Variants in AQR observed in about 807,000 individuals in gnomAD.
AQR encodes the protein RNA helicase aquarius.
AQR carries 61 observed loss-of-function variants against 180.5 expected under a neutral mutation model. The observed-to-expected ratio is 0.34, with a 90% CI of 0.28 to 0.42. The LOEUF is 0.42. Ranked by LOEUF, AQR falls within the 10% of genes least tolerant of loss-of-function variation. The pLI, the probability that AQR is intolerant of heterozygous loss-of-function variation, is 1.00. For synonymous variants in AQR, 551 were observed against 588.8 expected (o/e 0.94, Z 0.93); for missense variants, 1,281 against 1,798.3 (o/e 0.71, Z 5.20).
Position 34,910,440 on chromosome 15 carries a change from A to AT in AQR, c.1485-128dup, listed in dbSNP as rs1252642787. On this transcript the variant is annotated intron_variant, in intron 16 of 34. Coordinates refer to ENST00000156471, the MANE Select transcript of AQR (RefSeq NM_014691.3). ...TTAAGTCCTAATATTAGTAACTCTT[A>AT]TTTCTTAACTTAAAAAAAAGAAAAC... is the stretch of plus-strand genomic sequence containing the variant. 3 of 994,904 alleles carry AT rather than the reference A, an allele frequency of 3.0e-6. No individual in the cohort carries two copies. The East Asian group carries it at 7.9e-5, about 26-fold the overall frequency. 61.6% of individuals were successfully genotyped at this position (994,904 alleles called of 1,614,324 possible).
intron 18 of AQR, among the ~76,000 whole-genome samples, chr15:34,906,059 G>C (rs1184314141): frequency 6.6e-6 from 1 of 151,854 alleles, no homozygotes; most frequent in Non-Finnish European, 1.5e-5. Context: ...AAAAGATCCT[G>C]TCCTTTCCAA....
intron 9 of AQR, among the ~76,000 whole-genome samples, chr15:34,937,388 T>G (rs568691104): frequency 9.8e-5 from 15 of 152,342 alleles, no homozygotes; most frequent in Non-Finnish European, 2.2e-4. Flanking sequence ...ACAACTGATT[T>G]ACTGCATTGG....
intron 10 of AQR, among the ~76,000 whole-genome samples, chr15:34,934,313 ATGTAT>A (rs1249540433): frequency 6.7e-6 from 1 of 148,386 alleles, no homozygotes; most frequent in East Asian, 1.9e-4. Context: ...GGCACCCAAT[ATGTAT>A]TGTATTATTA....
rs1217396909 is a variant in AQR, at chr15:34,893,812, TCA to T, written c.2461-41_2461-40del. 2.0e-6 allele frequency: 3 copies of T among 1,534,028 alleles called. No individual in the cohort carries two copies. The South Asian group carries it at 3.4e-5, about 17-fold the overall frequency. ...GAACACATAGCAAACTACTAAGTCATCACAGTTATCACACATTGTTAGAAAAC... is the reference window on the plus strand; with the variant it reads ...GAACACATAGCAAACTACTAAGTCATCAGTTATCACACATTGTTAGAAAAC... On this transcript the variant is annotated intron_variant, in intron 22 of 34. Transcript: ENST00000156471.
chr15:34,929,662 T>C (rs572556743), intron 12 of AQR, among the ~76,000 whole-genome samples: 7 of 152,324 alleles, frequency 4.6e-5, no homozygotes, highest in African/African-American at 4.8e-5. Flanking sequence ...TCTTAAGAGA[T>C]AGCTAACTTG....
At chr15:34,950,842 C>A (rs1014860373) in intron 4 of AQR, among the ~76,000 whole-genome samples, 1 of 152,110 alleles carries the variant, frequency 6.6e-6, no homozygotes, top group Non-Finnish European at 1.5e-5. Context: ...CATATGCTTC[C>A]AGAGTATCTT....
intron 15 of AQR, among the ~76,000 whole-genome samples, chr15:34,915,615 G>C (rs1410877110): frequency 6.6e-6 from 1 of 151,976 alleles, no homozygotes; most frequent in East Asian, 1.9e-4. Flanking sequence ...TTTTCACACA[G>C]ATGTTAAAAC....
chr15:34,885,827 T>C (rs1893051654), intron 25 of AQR, among the ~76,000 whole-genome samples: 1 of 152,182 alleles, frequency 6.6e-6, no homozygotes, highest in African/African-American at 2.4e-5. Flanking sequence ...ACAATGAGCT[T>C]ACAATATTAT....
intron 27 of AQR, among the ~76,000 whole-genome samples, chr15:34,877,613 G>T (rs1306434101): frequency 6.6e-6 from 1 of 152,136 alleles, no homozygotes; most frequent in African/African-American, 2.4e-5. Flanking sequence ...AACTCAAAAG[G>T]AGATAGCTTA....
Position 34,857,043 on chromosome 15 carries a change from C to A in AQR, c.4207G>T (p.Glu1403Ter). Residue 1403 changes from glutamate to a stop codon, truncating the protein, a stop_gained, in exon 35 of 35, where the codon GAA (glutamate) becomes TAA (stop). Coordinates refer to ENST00000156471, the MANE Select transcript of AQR (RefSeq NM_014691.3). LOFTEE classifies it low-confidence loss of function (END_TRUNC). ...EGEEVQNQETELETEEEAMTV... is the reference protein window; with the variant it reads ...EGEEVQNQET Reference sequence around the variant, plus strand: ...ATGGCCTCTTCTTCTGTTTCCAATTCTGTTTCTTGATTTTGAACTTCCTCA... The same window carrying A: ...ATGGCCTCTTCTTCTGTTTCCAATTATGTTTCTTGATTTTGAACTTCCTCA... 6.2e-7 allele frequency: 1 copy of A among 1,612,812 alleles called. No individual in the cohort carries two copies. Among genetic ancestry groups the A allele is most frequent in the Non-Finnish European group, 8.5e-7 (1 of 1,179,446 alleles).
Position 34,906,706 on chromosome 15 carries a change from C to T in AQR, c.1670G>A (p.Arg557His), listed in dbSNP as rs1019789864. 1.9e-6 allele frequency: 3 copies of T among 1,612,380 alleles called. No individual in the cohort carries two copies. Among genetic ancestry groups the T allele is most frequent in the African/African-American group, 1.3e-5 (1 of 74,818 alleles). Residue 557 changes from arginine to histidine, a missense_variant, in exon 18 of 35, where the codon CGT (arginine) becomes CAT (histidine). Arg to His is a conservative substitution (Grantham distance 29). Around this residue, in one of 9 missense-constraint regions of AQR, gnomAD observed 200 missense variants for 293.4 expected, o/e 0.68. Transcript: ENST00000156471. The part of the protein sequence containing the change: ...DHIKDEWEGL[R>H]KHDVCFLITV... Reference sequence around the variant, plus strand: ...AATTAAAAAGCATACATCATGCTTACGAAGACCTGGTAAGATATAAAGACA... The same window carrying T: ...AATTAAAAAGCATACATCATGCTTATGAAGACCTGGTAAGATATAAAGACA...
chr15:34,923,189 A>G lies in AQR; in HGVS notation c.1119-2755T>C, dbSNP rs566346107. On this transcript the variant is annotated intron_variant, in intron 13 of 34. Coordinates refer to ENST00000156471, the MANE Select transcript of AQR (RefSeq NM_014691.3). Reference sequence around the variant, plus strand: ...TAATCTCTTACTGTGCCTACTTCATAGCTTTATCATAGGTTTTTACATTAC... The same window carrying G: ...TAATCTCTTACTGTGCCTACTTCATGGCTTTATCATAGGTTTTTACATTAC... 6.6e-4 allele frequency among the ~76,000 whole-genome samples: 101 copies of G among 152,258 alleles called. 1 individual carries two copies. The highest frequency in any genetic ancestry group is 2.4e-3 in the African/African-American group (99 of 41,546).
At chr15:34,914,138 T>C (rs1893542906) in intron 16 of AQR, among the ~76,000 whole-genome samples, 1 of 152,336 alleles carries the variant, frequency 6.6e-6, no homozygotes, top group South Asian at 2.1e-4. Flanking sequence ...CGTGTATGTA[T>C]ACATGGTGTC....
Position 34,853,424 on chromosome 15 carries a change from A to G in AQR, c.*3368T>C, listed in dbSNP as rs955404205. On this transcript the variant is annotated 3_prime_UTR_variant, in exon 35 of 35. Transcript: ENST00000156471. ...AGAACTGATAGAAGTTATCAGCTCC[A>G]TATTTCAGAAAGACCTAATGTCTTC... is the stretch of plus-strand genomic sequence containing the variant. The G allele has an allele frequency of 3.9e-5, 6 of 152,300 alleles. No homozygotes were observed. In the East Asian group the frequency reaches 9.7e-4, roughly 25 times the overall value. 9.4% of individuals were successfully genotyped at this position (152,300 alleles called of 1,614,324 possible). A position where few individuals can be genotyped will look rare whatever the true frequency, so the allele number is the denominator to read the frequency against.
intron 15 of AQR, 59 bp from the exon 16 acceptor site, chr15:34,915,238 ACTC>A: frequency 7.0e-7 from 1 of 1,436,424 alleles, no homozygotes; most frequent in Admixed American, 2.4e-5. Context: ...ACGGAGTCTC[ACTC>A]TGTCACCTGC....
At chr15:34,916,261 A>G (rs533802545) in intron 15 of AQR, among the ~76,000 whole-genome samples, 1 of 152,282 alleles carries the variant, frequency 6.6e-6, no homozygotes, top group African/African-American at 2.4e-5. Flanking sequence ...TTCTGGCTAA[A>G]CTTTAAGGAC....
chr15:34,956,390 C>G (rs1410584628), intron 3 of AQR, among the ~76,000 whole-genome samples: 1 of 152,004 alleles, frequency 6.6e-6, no homozygotes, highest in Non-Finnish European at 1.5e-5. Flanking sequence ...GTGGCTCACA[C>G]CTGTAATCCC....
intron 20 of AQR, among the ~76,000 whole-genome samples, chr15:34,900,090 G>T (rs558628390): frequency 6.6e-6 from 1 of 151,744 alleles, no homozygotes; most frequent in Non-Finnish European, 1.5e-5. Flanking sequence ...ATGGGGTCTC[G>T]CTATGTTGCC....
At chr15:34,896,991 T>G in intron 21 of AQR, 25 bp from the exon 22 acceptor site, 1 of 1,563,772 alleles carries the variant, frequency 6.4e-7, no homozygotes. Flanking sequence ...AAATAAAAAG[T>G]TGGTACAGAT....
Sources: allele counts gnomAD v4.1 joint callset (sites outside exome capture counted in the v4.1 genomes callset), GRCh38; gene constraint gnomAD v4.1.1; regional missense constraint gnomAD v4.1.1; transcripts MANE v1.5; gene names NCBI Gene and HGNC (gene_info 2026-07-23, HGNC 2026-07-21).